NEMF: variants seen among roughly 807,000 people sequenced by gnomAD.
NEMF encodes ribosome quality control complex subunit NEMF.
In NEMF, 89 loss-of-function variants were observed where a neutral mutation model predicts 162.2. That is an observed-to-expected ratio of 0.55 (90% CI 0.46 to 0.65). The LOEUF (loss-of-function observed/expected upper bound fraction) is 0.65. Among genes scored for constraint, NEMF ranks in the 30% least tolerant of loss-of-function variants. The pLI, the probability that NEMF is intolerant of heterozygous loss-of-function variation, is 0.00. For synonymous variants in NEMF, 421 were observed against 404.5 expected, an observed-to-expected ratio of 1.04 and a Z score of -0.49; for missense variants, 1,133 against 1,261.9, an observed-to-expected ratio of 0.90 and a Z score of 1.55.
rs182865283 is a variant in NEMF at position 49,841,124 on chromosome 14, G to C, written c.358-258C>G. Among the ~76,000 whole-genome samples, 9 of 151,090 alleles carry C rather than the reference G, an allele frequency of 6.0e-5. No homozygotes were observed. In the South Asian group the frequency reaches 8.4e-4, roughly 14 times the overall value. ...AAGCAGGAGAATCACTTGAATCTGGGGGGTGGAGACTGCAGTGAGTTGAGA... is the reference window on the plus strand; with the variant it reads ...AAGCAGGAGAATCACTTGAATCTGGCGGGTGGAGACTGCAGTGAGTTGAGA... On this transcript the variant is annotated intron_variant, in intron 4 of 32. Coordinates refer to ENST00000298310, the MANE Select transcript of NEMF (RefSeq NM_004713.6).
rs934954962 is a variant in NEMF, at chr14:49,836,810, A to C, written c.574+1329T>G. ...CATTTTGGAATATCTGCATATACATAATGAGATACCTTGGGGATGGAACCC... is the reference window on the plus strand; with the variant it reads ...CATTTTGGAATATCTGCATATACATCATGAGATACCTTGGGGATGGAACCC... On this transcript the variant is annotated intron_variant, in intron 6 of 32. Coordinates refer to ENST00000298310, the MANE Select transcript of NEMF (RefSeq NM_004713.6). Among the ~76,000 whole-genome samples, 95 of 152,240 alleles carry C rather than the reference A, an allele frequency of 6.2e-4. 4 individuals carry two copies. The highest frequency in any genetic ancestry group is 6.5e-5 in the Admixed American group (1 of 15,280).
chr14:49,813,608 T>C (rs1891579913), intron 18 of NEMF, among the ~76,000 whole-genome samples: 1 of 152,156 alleles, frequency 6.6e-6, no homozygotes, highest in African/African-American at 2.4e-5. Flanking sequence ...TGTTTATAAT[T>C]GTTACATCTT....
chr14:49,789,442 G>A, intron 27 of NEMF, 54 bp downstream of exon 27: 1 of 1,610,248 alleles, frequency 6.2e-7, no homozygotes, highest in Non-Finnish European at 8.5e-7. Flanking sequence ...CTAGGCAGTG[G>A]GCTAGATGCC....
Position 49,785,086 on chromosome 14 carries a change from A to T in NEMF, c.3073+6T>A. 6.2e-7 allele frequency: 1 copy of T among 1,606,732 alleles called. No homozygotes were observed. The highest frequency in any genetic ancestry group is 8.5e-7 in the Non-Finnish European group (1 of 1,173,506). ...AATCATAATTCAAAAAAACAAATTT[A>T]AATACCTTTTCCCTTTTTCTGCACT... On this transcript the variant is annotated splice_donor_region_variant and intron_variant, in intron 31 of 32. Coordinates refer to ENST00000298310, the MANE Select transcript of NEMF (RefSeq NM_004713.6).
At chr14:49,847,832 G>A (rs1293028782) in intron 3 of NEMF, among the ~76,000 whole-genome samples, 1 of 151,236 alleles carries the variant, frequency 6.6e-6, no homozygotes, top group Non-Finnish European at 1.5e-5. Flanking sequence ...AGGAGTTCAA[G>A]ACCAGCCTGG....
rs777996669 is a variant in NEMF at position 49,782,504 on chromosome 14, A to C, written c.*2132T>G. ...TATTACTGAAACTTACTTGCAAAGC[A>C]TTTGCTTTTAAATGTGTTCTTCCTA... is the stretch of plus-strand genomic sequence containing the variant. On this transcript the variant is annotated 3_prime_UTR_variant, in exon 33 of 33. Coordinates refer to ENST00000298310, the MANE Select transcript of NEMF (RefSeq NM_004713.6). 6.3e-7 allele frequency: 1 copy of C among 1,598,892 alleles called. No individual in the cohort carries two copies.
rs181063430 is a variant in NEMF at position 49,838,510 on chromosome 14, G to A, written c.507-304C>T. ...ATTTTTCTGTAAAAGTTAAATGTTT[G>A]TAAATTTTCATGCCATATCTTAATA... On this transcript the variant is annotated intron_variant, in intron 5 of 32. Coordinates refer to ENST00000298310, the MANE Select transcript of NEMF (RefSeq NM_004713.6). Among the ~76,000 whole-genome samples, 3 of 150,444 alleles carry A rather than the reference G, an allele frequency of 2.0e-5. No individual in the cohort carries two copies. In the East Asian group the frequency reaches 5.8e-4, roughly 29 times the overall value.
Position 49,802,702 on chromosome 14 carries a change from TGAGG to T in NEMF, c.1937_1940del (p.Pro646HisfsTer3), listed in dbSNP as rs1566661914. ...GGAAGCTAAACCCCATCATTAGATA[TGAGG>T]GAGGAAGAAAATTCTTTTTTCCTAC... On this transcript the variant is annotated frameshift_variant, in exon 21 of 33. Coordinates refer to ENST00000298310, the MANE Select transcript of NEMF (RefSeq NM_004713.6). LOFTEE classifies it high-confidence loss of function. 8.1e-6 allele frequency: 13 copies of T among 1,611,566 alleles called. No individual in the cohort carries two copies. Among genetic ancestry groups the T allele is most frequent in the Non-Finnish European group, 1.1e-5 (13 of 1,178,614 alleles).
chr14:49,787,160 G>A (rs1428896549), intron 28 of NEMF: 2 of 167,908 alleles, frequency 1.2e-5, no homozygotes, highest in African/African-American at 2.4e-5. Flanking sequence ...CTGTTCAACA[G>A]TTTTGGATAA....
intron 26 of NEMF, among the ~76,000 whole-genome samples, chr14:49,792,530 A>G (rs1265450187): frequency 1.3e-5 from 2 of 152,184 alleles, no homozygotes; most frequent in Non-Finnish European, 2.9e-5. Flanking sequence ...CATTTTATAC[A>G]AAGTTCTAGA....
Position 49,791,514 on chromosome 14 carries a change from G to A in NEMF, c.2620-1941C>T, listed in dbSNP as rs550016345. ...AGCACTTTGGGAGGCCGAGGCAGGC[G>A]GATCACAAGGTCAAGAGATCGAGAC... On this transcript the variant is annotated intron_variant, in intron 26 of 32. Coordinates refer to ENST00000298310, the MANE Select transcript of NEMF (RefSeq NM_004713.6). Among the ~76,000 whole-genome samples the A allele has an allele frequency of 9.9e-5, 15 of 151,950 alleles. No homozygotes were observed. In the East Asian group the frequency reaches 1.2e-3, roughly 12 times the overall value.
At chr14:49,841,129 G>C (rs1191941233) in intron 4 of NEMF, among the ~76,000 whole-genome samples, 1 of 146,266 alleles carries the variant, frequency 6.8e-6, no homozygotes, top group Middle Eastern at 3.5e-3. Context: ...TCTGGGGGGT[G>C]GAGACTGCAG....
At chr14:49,847,760 G>A (rs563580126) in intron 3 of NEMF, among the ~76,000 whole-genome samples, 17 of 147,058 alleles carry the variant, frequency 1.2e-4, no homozygotes, top group African/African-American at 4.0e-4. Flanking sequence ...TGCCAGGAGC[G>A]GTGGCTCAGG....
intron 1 of NEMF, 103 bp downstream of exon 1, chr14:49,852,592 T>C: frequency 2.3e-6 from 3 of 1,299,498 alleles, no homozygotes; most frequent in Non-Finnish European, 3.3e-6. Flanking sequence ...ATAGACGCAC[T>C]AGGAAATAAG....
chr14:49,799,601 A>C (rs149944531), intron 24 of NEMF, 35 bp downstream of exon 24: 29 of 1,598,608 alleles, frequency 1.8e-5, no homozygotes, highest in Admixed American at 1.1e-4. Context: ...TTCACTGAGA[A>C]TCGGATGTTC....
intron 6 of NEMF, among the ~76,000 whole-genome samples, chr14:49,835,374 G>A (rs1051118651): frequency 6.6e-6 from 1 of 152,030 alleles, no homozygotes; most frequent in Non-Finnish European, 1.5e-5. Context: ...ACCAAAAATT[G>A]GTTAATATAA....
At position 49,802,502 on chromosome 14, in the gene NEMF, T is replaced by C. The variant is rs769091619; in HGVS notation, c.2046A>G (p.Thr682=). Residue 682 remains threonine (T), a synonymous_variant, in exon 22 of 33, where the codon ACA becomes ACG. Transcript: ENST00000298310. ...TGAGTTCACTTGTACAACTTGCCAG[T>C]GTCTCCATGTCTTCATCCTGTACTC... ...KVRVQDEDME[T]LASCTSELIS... 49 of 1,613,996 alleles carry C rather than the reference T, an allele frequency of 3.0e-5. No homozygotes were observed. The highest frequency in any genetic ancestry group is 4.0e-5 in the Non-Finnish European group (47 of 1,179,888).
chr14:49,802,006 C>T (rs1280506006), intron 22 of NEMF, among the ~76,000 whole-genome samples: 2 of 150,032 alleles, frequency 1.3e-5, no homozygotes, highest in South Asian at 2.1e-4. Flanking sequence ...GGCTGGAGTG[C>T]AGTGGCAGTG....
chr14:49,831,044 C>A (rs1346478459), intron 11 of NEMF, among the ~76,000 whole-genome samples: 1 of 152,136 alleles, frequency 6.6e-6, no homozygotes, highest in Non-Finnish European at 1.5e-5. Flanking sequence ...AAATAACAGG[C>A]CTCACGTTCC....
Sources: allele counts gnomAD v4.1 joint callset (sites outside exome capture counted in the v4.1 genomes callset), GRCh38; gene constraint gnomAD v4.1.1; transcripts MANE v1.5; gene names NCBI Gene and HGNC (gene_info 2026-07-23, HGNC 2026-07-21).